INPP5A: variants seen among roughly 807,000 people sequenced by gnomAD.
The protein encoded by INPP5A is inositol polyphosphate-5-phosphatase A.
A neutral mutation model predicts 65.2 loss-of-function variants in INPP5A; 14 were observed. The ratio of observed to expected loss-of-function variants is 0.21; its 90% CI spans 0.14 to 0.34. The LOEUF is 0.34. INPP5A is among the 10% of genes least tolerant of loss of function. INPP5A has a pLI of 1.00. For synonymous variants in INPP5A, 207 were observed against 208.3 expected (o/e 0.99, Z 0.05); for missense variants, 431 against 545.6 (o/e 0.79, Z 2.09).
intron 2 of INPP5A, among the ~76,000 whole-genome samples, chr10:132,608,425 C>A (rs2071891824): frequency 6.6e-6 from 1 of 152,230 alleles, no homozygotes; most frequent in African/African-American, 2.4e-5. Flanking sequence ...AGGCACGGAC[C>A]CCCCTGTCTA....
At chr10:132,565,749 G>A (rs568660989) in intron 1 of INPP5A, among the ~76,000 whole-genome samples, 1 of 151,852 alleles carries the variant, frequency 6.6e-6, no homozygotes, top group South Asian at 2.1e-4. Flanking sequence ...GTGCGCCGTT[G>A]TGTGTGGGTC....
chr10:132,671,749 A>T (rs1225880931), intron 4 of INPP5A, among the ~76,000 whole-genome samples: 1 of 152,172 alleles, frequency 6.6e-6, no homozygotes, highest in East Asian at 1.9e-4. Context: ...GAGCAGCCCT[A>T]TGAAGTGGGT....
intron 6 of INPP5A, among the ~76,000 whole-genome samples, chr10:132,702,617 G>A (rs1003774977): frequency 6.6e-6 from 1 of 152,228 alleles, no homozygotes; most frequent in Non-Finnish European, 1.5e-5. Flanking sequence ...ATTCAGAGGC[G>A]TGCGTGCAGG....
intron 8 of INPP5A, among the ~76,000 whole-genome samples, chr10:132,710,712 G>GA (rs1845621089): frequency 6.6e-6 from 1 of 151,504 alleles, no homozygotes; most frequent in African/African-American, 2.4e-5. Context: ...AGGTAGGTGT[G>GA]CTGGGCAGGT....
intron 1 of INPP5A, among the ~76,000 whole-genome samples, chr10:132,606,172 G>A (rs559563004): frequency 6.6e-6 from 1 of 152,130 alleles, no homozygotes; most frequent in South Asian, 2.1e-4. Flanking sequence ...TGGGACCCTC[G>A]ATGGGGACTT....
At position 132,675,730 on chromosome 10, in the gene INPP5A, G is replaced by A. The variant is rs2072956077; in HGVS notation, c.307-14662G>A. On this transcript the variant is annotated intron_variant, in intron 4 of 15. Coordinates refer to ENST00000368594, the MANE Select transcript of INPP5A (RefSeq NM_005539.5). This position sits in a 1 kb window ranked among gnomAD's most constrained non-coding sequence, Gnocchi z 4.2. The stretch of plus-strand genomic sequence containing the variant: ...GACCGGGAACTAAGGTAAATTATTT[G>A]AAACAGAAGTAGATGGCAATTTCCT... 6.6e-6 allele frequency among the ~76,000 whole-genome samples: 1 copy of A among 152,212 alleles called. No individual in the cohort carries two copies. The highest frequency in any genetic ancestry group is 2.1e-4 in the South Asian group (1 of 4,832).
At chr10:132,728,377 C>T (rs868767220) in intron 9 of INPP5A, among the ~76,000 whole-genome samples, 1 of 152,214 alleles carries the variant, frequency 6.6e-6, no homozygotes, top group East Asian at 1.9e-4. Context: ...GGTGAGGGCT[C>T]GAGGGCAGGG....
chr10:132,696,206 C>T (rs1845341760), intron 5 of INPP5A, among the ~76,000 whole-genome samples: 1 of 152,188 alleles, frequency 6.6e-6, no homozygotes, highest in Non-Finnish European at 1.5e-5. Flanking sequence ...TATAGCTGCC[C>T]AGTGGACTAA....
intron 8 of INPP5A, among the ~76,000 whole-genome samples, chr10:132,724,352 G>A (rs981722814): frequency 9.2e-5 from 14 of 152,218 alleles, no homozygotes; most frequent in Non-Finnish European, 1.5e-4. Context: ...ATTCCGGATG[G>A]ATTAAAGGAT....
At chr10:132,761,176 C>G (rs1846726494) in intron 11 of INPP5A, among the ~76,000 whole-genome samples, 2 of 152,228 alleles carry the variant, frequency 1.3e-5, no homozygotes. Flanking sequence ...ATGCCCGTCT[C>G]TGGGTGGCAC....
Position 132,675,981 on chromosome 10 carries a change from CAAAAGAT to C in INPP5A, c.307-14408_307-14402del, listed in dbSNP as rs1408445980. Among the ~76,000 whole-genome samples the C allele has an allele frequency of 6.6e-6, 1 of 152,092 alleles. No individual in the cohort carries two copies. The highest frequency in any genetic ancestry group is 1.5e-5 in the Non-Finnish European group (1 of 67,990). ...TGAAAAGCTAATGATTTTTAGAAGA[CAAAAGAT>C]AAGAGTCAGAACCATTTTAATTAGG... On this transcript the variant is annotated intron_variant, in intron 4 of 15. Coordinates refer to ENST00000368594, the MANE Select transcript of INPP5A (RefSeq NM_005539.5). This position sits in a 1 kb window ranked among gnomAD's most constrained non-coding sequence, Gnocchi z 4.2.
intron 9 of INPP5A, among the ~76,000 whole-genome samples, chr10:132,740,854 C>T (rs1763036523): frequency 1.3e-5 from 2 of 152,204 alleles, no homozygotes; most frequent in South Asian, 2.1e-4. Context: ...CCCCAGCATT[C>T]ACCACCCAAG....
chr10:132,586,145 G>C (rs2071542646), intron 1 of INPP5A, among the ~76,000 whole-genome samples: 1 of 152,074 alleles, frequency 6.6e-6, no homozygotes, highest in African/African-American at 2.4e-5. Flanking sequence ...CGTGCAGCTG[G>C]GGCTGGACGC....
At chr10:132,729,529 G>A (rs1007452186) in intron 9 of INPP5A, among the ~76,000 whole-genome samples, 10 of 152,306 alleles carry the variant, frequency 6.6e-5, no homozygotes, top group East Asian at 3.9e-4. Context: ...TGGGCTCTCC[G>A]GACCTTCCAG....
chr10:132,708,752 C>CAG (rs1471447665), intron 7 of INPP5A, among the ~76,000 whole-genome samples: 1 of 152,240 alleles, frequency 6.6e-6, no homozygotes, highest in Non-Finnish European at 1.5e-5. Context: ...GGTCCATCAG[C>CAG]AGACTGAGCA....
chr10:132,594,169 C>T (rs1353527676), intron 1 of INPP5A, among the ~76,000 whole-genome samples: 1 of 152,182 alleles, frequency 6.6e-6, no homozygotes, highest in African/African-American at 2.4e-5. Flanking sequence ...TTATGTTTGT[C>T]TCATAATAGG....
At chr10:132,679,557 A>G (rs553471421) in intron 4 of INPP5A, among the ~76,000 whole-genome samples, 92 of 152,252 alleles carry the variant, frequency 6.0e-4, no homozygotes, top group African/African-American at 2.1e-3. Flanking sequence ...AAGTAGGAGG[A>G]GGAGATCCAG....
intron 2 of INPP5A, among the ~76,000 whole-genome samples, chr10:132,632,607 C>T (rs949580763): frequency 9.9e-5 from 15 of 152,244 alleles, no homozygotes; most frequent in African/African-American, 3.4e-4. Context: ...CACCCACCAC[C>T]ACTGCACCCC....
chr10:132,621,742 C>A (rs2072112934), intron 2 of INPP5A, among the ~76,000 whole-genome samples: 1 of 150,976 alleles, frequency 6.6e-6, no homozygotes, highest in Admixed American at 6.6e-5. Context: ...GTCCTTTGTC[C>A]ATAAGGAATT....
Sources: allele counts gnomAD v4.1 joint callset (sites outside exome capture counted in the v4.1 genomes callset), GRCh38; gene constraint gnomAD v4.1.1; non-coding constraint Gnocchi (gnomAD v3.1); transcripts MANE v1.5; gene names NCBI Gene and HGNC (gene_info 2026-07-23, HGNC 2026-07-21).